BRINP1: variants seen among roughly 807,000 people sequenced by gnomAD.
The protein encoded by BRINP1 is BMP/retinoic acid inducible neural specific 1, also known as BMP/retinoic acid-inducible neural-specific protein 1.
In BRINP1, 17 loss-of-function variants were observed where a neutral mutation model predicts 72.9. That is an observed-to-expected ratio of 0.23 (90% CI 0.16 to 0.35). BRINP1 has a LOEUF of 0.35. BRINP1 is among the 10% of genes least tolerant of loss of function. BRINP1 has a pLI of 1.00. For missense variants in BRINP1, 850 were observed against 1,001.6 expected, an observed-to-expected ratio of 0.85 and a Z score of 2.04; for synonymous variants, 418 against 378.5, an observed-to-expected ratio of 1.10 and a Z score of -1.21.
In BRINP1 at chr9:119,167,966, C is replaced by G; in HGVS notation, c.1404G>C (p.Ser468=). ...RGRCEPQNVD[S]ERSEQFISFE... ...AGCTGATGAACTGCTCGCTCCGCTC[C>G]GAGTCCACGTTCTGTGGTTCACAGC... Residue 468 remains serine, a synonymous_variant, in exon 8 of 8, where the codon TCG becomes TCC. Coordinates refer to ENST00000265922, the MANE Select transcript of BRINP1 (RefSeq NM_014618.3). The surrounding 1 kb of genome is among the most constrained non-coding windows in gnomAD (Gnocchi z 4.3). 6.2e-7 allele frequency: 1 copy of G among 1,614,190 alleles called. No homozygotes were observed. Among genetic ancestry groups the G allele is most frequent in the Non-Finnish European group, 8.5e-7 (1 of 1,180,040 alleles).
chr9:119,360,608 A>G (rs1343240878), intron 1 of BRINP1, among the ~76,000 whole-genome samples: 3 of 152,168 alleles, frequency 2.0e-5, no homozygotes, highest in Non-Finnish European at 4.4e-5. Flanking sequence ...TTGAGAATTC[A>G]CCACTTTTTC....
intron 2 of BRINP1, among the ~76,000 whole-genome samples, chr9:119,298,998 A>T (rs575447962): frequency 2.6e-5 from 4 of 152,170 alleles, no homozygotes; most frequent in Non-Finnish European, 4.4e-5. Flanking sequence ...GTTTTGATGT[A>T]TGTATACATT....
intron 5 of BRINP1, among the ~76,000 whole-genome samples, chr9:119,215,820 C>T (rs895770267): frequency 6.6e-6 from 1 of 152,134 alleles, no homozygotes; most frequent in Non-Finnish European, 1.5e-5. Flanking sequence ...GGCATGGCTG[C>T]ACTGCATGCT....
In BRINP1 at chr9:119,175,247, C is replaced by T. The variant is rs1021199722; in HGVS notation, c.1146-7023G>A. ...ATGGATTAAGCTGGAAACCATCACA[C>T]TCAGCAAACTAACAAACATAAGAAC... On this transcript the variant is annotated intron_variant, in intron 7 of 7. Coordinates refer to ENST00000265922, the MANE Select transcript of BRINP1 (RefSeq NM_014618.3). Among the ~76,000 whole-genome samples, 4 of 151,510 alleles carry T rather than the reference C, an allele frequency of 2.6e-5. No homozygotes were observed. The East Asian group carries it at 7.8e-4, about 30-fold the overall frequency.
chr9:119,194,995 T>C (rs950735294), intron 7 of BRINP1, among the ~76,000 whole-genome samples: 1 of 152,224 alleles, frequency 6.6e-6, no homozygotes, highest in Non-Finnish European at 1.5e-5. Context: ...TTTTACTCCT[T>C]AAGAAAATGA....
At chr9:119,248,077 C>A (rs1830341680) in intron 3 of BRINP1, among the ~76,000 whole-genome samples, 1 of 152,180 alleles carries the variant, frequency 6.6e-6, no homozygotes, top group African/African-American at 2.4e-5. Context: ...ACTGACCACT[C>A]CAGTTGGTAG....
rs764699248 is a variant in BRINP1, at chr9:119,208,843, G to A, written c.1021C>T (p.Arg341Cys). The A allele has an allele frequency of 8.7e-6, 14 of 1,613,984 alleles. No individual in the cohort carries two copies. Among genetic ancestry groups the A allele is most frequent in the South Asian group, 2.2e-5 (2 of 91,076 alleles). ...GTGGCACTCTGCAGGAGCTTGTAGCGGTTCTGCAGGTCCCAGTCATTGCCC... is the reference window on the plus strand; with the variant it reads ...GTGGCACTCTGCAGGAGCTTGTAGCAGTTCTGCAGGTCCCAGTCATTGCCC... ...HWGNDWDLQN[R>C]YKLLQSATEA... The change falls in exon 7 of 8, where the codon CGC becomes TGC. Residue 341 changes from arginine (R) to cysteine (C), a missense_variant. Coordinates refer to ENST00000265922, the MANE Select transcript of BRINP1 (RefSeq NM_014618.3).
intron 2 of BRINP1, among the ~76,000 whole-genome samples, chr9:119,302,477 T>C (rs1311483012): frequency 6.6e-6 from 1 of 151,998 alleles, no homozygotes; most frequent in Non-Finnish European, 1.5e-5. Flanking sequence ...AATAGTGTTA[T>C]TGGTATTTTT....
intron 1 of BRINP1, among the ~76,000 whole-genome samples, chr9:119,363,837 T>C (rs1831660665): frequency 6.6e-6 from 1 of 152,212 alleles, no homozygotes; most frequent in African/African-American, 2.4e-5. Context: ...ACTGGCCACA[T>C]TTCAAGTGTT....
chr9:119,176,671 C>G (rs1368205030), intron 7 of BRINP1, among the ~76,000 whole-genome samples: 1 of 152,090 alleles, frequency 6.6e-6, no homozygotes, highest in Non-Finnish European at 1.5e-5. Flanking sequence ...AAGAGCCTGG[C>G]ACAGAGCAAT....
chr9:119,221,978 A>C (rs1830045446), intron 5 of BRINP1, among the ~76,000 whole-genome samples: 1 of 152,144 alleles, frequency 6.6e-6, no homozygotes, highest in Non-Finnish European at 1.5e-5. Flanking sequence ...GCTCCTTCTT[A>C]TAATGTCCCC....
intron 2 of BRINP1, among the ~76,000 whole-genome samples, chr9:119,303,218 C>A (rs543395234): frequency 3.9e-5 from 6 of 152,032 alleles, no homozygotes; most frequent in African/African-American, 1.4e-4. Flanking sequence ...TGCTGACTTT[C>A]TCTGAACAAT....
At chr9:119,264,818 C>T (rs1055913430) in intron 2 of BRINP1, among the ~76,000 whole-genome samples, 1 of 152,066 alleles carries the variant, frequency 6.6e-6, no homozygotes, top group Non-Finnish European at 1.5e-5. Flanking sequence ...TACAGGCACC[C>T]GCCACCATGC....
chr9:119,169,246 C>G (rs1400887231), intron 7 of BRINP1, among the ~76,000 whole-genome samples: 2 of 152,192 alleles, frequency 1.3e-5, no homozygotes, highest in Admixed American at 6.5e-5. Context: ...GAGTGCCAGA[C>G]AGTGGGCGCA....
chr9:119,356,270 C>CTATATAAAA (rs1831564360), intron 1 of BRINP1, among the ~76,000 whole-genome samples: 2 of 152,184 alleles, frequency 1.3e-5, no homozygotes, highest in South Asian at 4.1e-4. Context: ...AGGGCTTTTC[C>CTATATAAAA]TACCCACCTA....
At chr9:119,187,441 C>A (rs1299533185) in intron 7 of BRINP1, among the ~76,000 whole-genome samples, 1 of 151,962 alleles carries the variant, frequency 6.6e-6, no homozygotes, top group Admixed American at 6.6e-5. Context: ...AAGGTACCCA[C>A]AGAAATTTCT....
At position 119,179,582 on chromosome 9, in the gene BRINP1, A is replaced by G. The variant is rs1829530163; in HGVS notation, c.1146-11358T>C. On this transcript the variant is annotated intron_variant, in intron 7 of 7. Transcript: ENST00000265922. ...AGGTCAAAAAAATCAGTGTTTCTTA[A>G]GTGTTTTCTACATCATGGCAGTTAC... Among the ~76,000 whole-genome samples the G allele has an allele frequency of 3.3e-5, 5 of 152,130 alleles. No homozygotes were observed. The South Asian group carries it at 1.0e-3, about 32-fold the overall frequency.
At chr9:119,245,684 A>G (rs1830307483) in intron 3 of BRINP1, among the ~76,000 whole-genome samples, 1 of 152,154 alleles carries the variant, frequency 6.6e-6, no homozygotes, top group Admixed American at 6.5e-5. Flanking sequence ...TCCTCTTCCT[A>G]AAGAGTGAAA....
chr9:119,225,526 T>TA (rs1231099160), intron 5 of BRINP1, among the ~76,000 whole-genome samples: 1 of 152,118 alleles, frequency 6.6e-6, no homozygotes, highest in African/African-American at 2.4e-5. Context: ...TAACTGCTGT[T>TA]ACACTGTACT....
Sources: gnomAD v4.1 joint callset for allele counts (sites outside exome capture counted in the v4.1 genomes callset) on GRCh38, gnomAD v4.1.1 for gene constraint, Gnocchi (gnomAD v3.1) non-coding constraint, MANE v1.5 for transcripts, NCBI Gene and HGNC (gene_info 2026-07-23, HGNC 2026-07-21) for gene names.